Variants in SLC12A7 observed in about 807,000 individuals in gnomAD.
SLC12A7 encodes the protein solute carrier family 12 member 7, also known as K-Cl cotransporter 4.
SLC12A7 carries 100 observed loss-of-function variants against 120.6 expected under a neutral mutation model. The ratio of observed to expected loss-of-function variants is 0.83; its 90% confidence interval spans 0.71 to 0.98. SLC12A7 has a LOEUF of 0.98. SLC12A7 is among the 50% of genes least tolerant of loss of function. The probability of loss-of-function intolerance (pLI) is 0.00; values close to 1 mark genes in which losing one functional copy is unlikely to be tolerated. For missense variants in SLC12A7, 1,373 were observed against 1,548.1 expected, an observed-to-expected ratio of 0.89 and a Z score of 1.90; for synonymous variants, 760 against 678.0, an observed-to-expected ratio of 1.12 and a Z score of -1.88.
In SLC12A7 at chr5:1,068,796, G is replaced by C. The variant is rs182512144; in HGVS notation, c.2242-3318C>G. Among the ~76,000 whole-genome samples, 968 of 152,376 alleles carry C rather than the reference G, an allele frequency of 6.4e-3. 15 individuals are homozygous for C. The highest frequency in any genetic ancestry group is 0.022 in the African/African-American group (930 of 41,590). On this transcript the variant is annotated intron_variant, in intron 17 of 23. Coordinates refer to ENST00000264930, the MANE Select transcript of SLC12A7 (RefSeq NM_006598.3). ...ATAAGTGAGCGCAGCTCTTCCCATG[G>C]CCGTGAAGACTGTGGCAGAGCGTGG...
At position 1,053,478 on chromosome 5, in the gene SLC12A7, G is replaced by C; in HGVS notation, c.3031C>G (p.Gln1011Glu). ...FKDLFSMKPD[Q>E]SNVRRMHTAV... Reference sequence around the variant, plus strand: ...GTGTGCATCCGCCTGACGTTGGACTGGTCCCTGCAGGGGAGGTGGGCACGG... The same window carrying C: ...GTGTGCATCCGCCTGACGTTGGACTCGTCCCTGCAGGGGAGGTGGGCACGG... Residue 1011 changes from glutamine (Q) to glutamate (E), a missense_variant, in exon 23 of 24, where the codon CAG (glutamine) becomes GAG (glutamate). Gln to Glu is a conservative substitution (Grantham distance 29). Coordinates refer to ENST00000264930, the MANE Select transcript of SLC12A7 (RefSeq NM_006598.3). 1 of 1,613,540 alleles carries C rather than the reference G, an allele frequency of 6.2e-7. No homozygotes were observed. The highest frequency in any genetic ancestry group is 8.5e-7 in the Non-Finnish European group (1 of 1,179,924).
Position 1,052,040 on chromosome 5 carries a change from G to A in SLC12A7, c.*320C>T, listed in dbSNP as rs919648264. The stretch of plus-strand genomic sequence containing the variant: ...ATCCAGCCAAGGAAAAGAACTTCCA[G>A]AAACCAAGGCAAGGGCTCACTGGCT... On this transcript the variant is annotated 3_prime_UTR_variant, in exon 24 of 24. Transcript: ENST00000264930. 1 of 377,492 alleles carries A rather than the reference G, an allele frequency of 2.6e-6. No individual in the cohort carries two copies. The highest frequency in any genetic ancestry group is 4.9e-5 in the East Asian group (1 of 20,334). 23.4% of individuals were successfully genotyped at this position (377,492 alleles called of 1,614,324 possible). A position where few individuals can be genotyped will look rare whatever the true frequency, so the allele number is the denominator to read the frequency against.
intron 1 of SLC12A7, among the ~76,000 whole-genome samples, chr5:1,109,900 T>C (rs917348041): frequency 1.3e-5 from 2 of 152,236 alleles, no homozygotes; most frequent in Non-Finnish European, 2.9e-5. Flanking sequence ...GGTAACTCTG[T>C]GGCCGGACAG....
chr5:1,056,203 G>A (rs1389740027), intron 22 of SLC12A7, among the ~76,000 whole-genome samples: 1 of 152,246 alleles, frequency 6.6e-6, no homozygotes, highest in Non-Finnish European at 1.5e-5. Flanking sequence ...ATTCCAGGTG[G>A]GAACGCGACT....
At chr5:1,137,186 C>A in the SLC12A7 span, among the ~76,000 whole-genome samples, 4 of 152,290 alleles carry the variant, frequency 2.6e-5, no homozygotes, top group East Asian at 3.9e-4. Flanking sequence ...CCTGCCCCTA[C>A]TCCAAGGATT....
At chr5:1,154,049 C>T in the SLC12A7 span, among the ~76,000 whole-genome samples, 1 of 151,848 alleles carries the variant, frequency 6.6e-6, no homozygotes, top group Non-Finnish European at 1.5e-5. Context: ...CATGTGTTCC[C>T]AACCCTAACC....
At chr5:1,058,272 G>A (rs111910553) in intron 21 of SLC12A7, among the ~76,000 whole-genome samples, 1,790 of 152,360 alleles carry the variant, frequency 0.012, 25 homozygotes, top group East Asian at 0.041. Flanking sequence ...CGCCCTCACC[G>A]CGAGATCGCA....
chr5:1,130,621 G>GCCCGCGCA, the SLC12A7 span, among the ~76,000 whole-genome samples: 1 of 151,690 alleles, frequency 6.6e-6, no homozygotes, highest in African/African-American at 2.4e-5. Context: ...TAGCCAGGGT[G>GCCCGCGCA]GGGGCAGCAG....
chr5:1,154,382 C>CACACACAG, the SLC12A7 span, among the ~76,000 whole-genome samples: 1 of 151,916 alleles, frequency 6.6e-6, no homozygotes, highest in African/African-American at 2.4e-5. Context: ...CACACACACA[C>CACACACAG]ACACACACAG....
chr5:1,088,793 G>A (rs1343545122), intron 4 of SLC12A7, among the ~76,000 whole-genome samples, 189 bp downstream of exon 4: 3 of 152,232 alleles, frequency 2.0e-5, no homozygotes, highest in Non-Finnish European at 2.9e-5. Flanking sequence ...CCCCGCAGCT[G>A]CCCGGCTCTC....
intron 1 of SLC12A7, among the ~76,000 whole-genome samples, chr5:1,100,356 C>T (rs938330931): frequency 2.0e-5 from 3 of 152,222 alleles, no homozygotes; most frequent in Non-Finnish European, 4.4e-5. Flanking sequence ...CATGTAAAGG[C>T]CGCCTGGCCC....
At chr5:1,125,364 C>T in the SLC12A7 span, among the ~76,000 whole-genome samples, 14 of 152,030 alleles carry the variant, frequency 9.2e-5, 1 homozygote, top group Admixed American at 7.9e-4. Flanking sequence ...TAAAGTCAAA[C>T]GGCACACTTT....
chr5:1,149,271 T>C, the SLC12A7 span, among the ~76,000 whole-genome samples: 1 of 152,138 alleles, frequency 6.6e-6, no homozygotes, highest in African/African-American at 2.4e-5. Flanking sequence ...AACACGGTAT[T>C]GTCCATTCTA....
the SLC12A7 span, among the ~76,000 whole-genome samples, chr5:1,143,314 A>C: frequency 6.6e-6 from 1 of 152,246 alleles, no homozygotes; most frequent in African/African-American, 2.4e-5. Flanking sequence ...CTTCAACACT[A>C]GAAATTGTTC....
chr5:1,139,736 C>G, the SLC12A7 span, among the ~76,000 whole-genome samples: 2 of 152,238 alleles, frequency 1.3e-5, no homozygotes, highest in African/African-American at 4.8e-5. Context: ...CACGTCCCTC[C>G]TCCCGGCAGG....
intron 18 of SLC12A7, among the ~76,000 whole-genome samples, chr5:1,064,754 A>G (rs1297973968): frequency 9.5e-5 from 11 of 115,798 alleles, no homozygotes; most frequent in South Asian, 3.1e-4. Flanking sequence ...GACGGCGAGG[A>G]GACGGTGAAG....
intron 3 of SLC12A7, among the ~76,000 whole-genome samples, 180 bp from the exon 4 acceptor site, chr5:1,089,308 C>T (rs1435261197): frequency 6.6e-6 from 1 of 152,088 alleles, no homozygotes; most frequent in African/African-American, 2.4e-5. Flanking sequence ...CCTGACCATC[C>T]CGGAATGAGG....
Position 1,076,121 on chromosome 5 carries a change from G to A in SLC12A7, c.1847+17C>T, listed in dbSNP as rs201265868. The A allele has an allele frequency of 3.1e-5, 50 of 1,599,434 alleles. No homozygotes were observed. Among genetic ancestry groups the A allele is most frequent in the South Asian group, 1.6e-4 (14 of 89,280 alleles). On this transcript the variant is annotated intron_variant, in intron 14 of 23. Coordinates refer to ENST00000264930, the MANE Select transcript of SLC12A7 (RefSeq NM_006598.3). The stretch of plus-strand genomic sequence containing the variant: ...CCAGCCTGTGGGGCTCCTCACGCCC[G>A]TGCTGAGTGGCCTCACCAGTGGTAG...
At chr5:1,143,858 C>T in the SLC12A7 span, among the ~76,000 whole-genome samples, 4 of 151,946 alleles carry the variant, frequency 2.6e-5, no homozygotes, top group African/African-American at 9.7e-5. Flanking sequence ...GGCACCCTGG[C>T]GCTTGGCACC....
Sources: gnomAD v4.1 joint callset for allele counts (sites outside exome capture counted in the v4.1 genomes callset) on GRCh38, gnomAD v4.1.1 for gene constraint, MANE v1.5 for transcripts, NCBI Gene and HGNC (gene_info 2026-07-23, HGNC 2026-07-21) for gene names.